PMPCB: variants seen among roughly 807,000 people sequenced by gnomAD.
PMPCB encodes the protein peptidase, mitochondrial processing subunit beta.
Under a neutral mutation model 61.5 loss-of-function variants are expected in PMPCB, and 46 were observed. The ratio of observed to expected loss-of-function variants is 0.75; its 90% CI spans 0.59 to 0.96. The LOEUF is 0.96. Ranked by LOEUF, PMPCB falls within the 40% of genes least tolerant of loss-of-function variation. The probability of loss-of-function intolerance (pLI) is 0.00; values close to 1 mark genes in which losing one functional copy is unlikely to be tolerated. For missense variants in PMPCB, 590 were observed against 602.4 expected (o/e 0.98, Z 0.22); for synonymous variants, 191 against 201.6 (o/e 0.95, Z 0.44).
At position 103,314,079 on chromosome 7, in the gene PMPCB, T is replaced by C. The variant is rs1586058999; in HGVS notation, c.*1808T>C. The C allele has an allele frequency of 8.1e-6, 8 of 985,310 alleles. No homozygotes were observed. The highest frequency in any genetic ancestry group is 9.6e-6 in the Non-Finnish European group (8 of 829,914). The allele number at this position is 985,310 out of a possible 1,614,324, so 61.0% of individuals were successfully genotyped here. On this transcript the variant is annotated 3_prime_UTR_variant, in exon 13 of 13. Transcript: ENST00000249269. ...ACCTATTCAAAACAAAGCAGAGAAT[T>C]TGTATAATATTTGATGGTACCTAAG... is the stretch of plus-strand genomic sequence containing the variant.
At chr7:103,320,189 A>G (rs1818305513) in intron 12 of PMPCB, among the ~76,000 whole-genome samples, 1 of 152,062 alleles carries the variant, frequency 6.6e-6, no homozygotes. Flanking sequence ...CCCGGGTTCA[A>G]GCTATTCTTC....
chr7:103,330,035 C>A (rs1224910665), downstream of PMPCB, among the ~76,000 whole-genome samples: 2 of 152,102 alleles, frequency 1.3e-5, no homozygotes, highest in Non-Finnish European at 2.9e-5. Flanking sequence ...AGTTTGCTAG[C>A]TGTGGGCCTG....
chr7:103,321,199 C>A (rs919024046), intron 12 of PMPCB, among the ~76,000 whole-genome samples: 1 of 151,470 alleles, frequency 6.6e-6, no homozygotes, highest in African/African-American at 2.4e-5. Flanking sequence ...GCCTCAACAA[C>A]AACAATAACA....
rs1447612077 is a variant in PMPCB at position 103,313,244 on chromosome 7, T to C, written c.*973T>C. On this transcript the variant is annotated 3_prime_UTR_variant, in exon 13 of 13. Coordinates refer to ENST00000249269, the MANE Select transcript of PMPCB (RefSeq NM_004279.3). The stretch of plus-strand genomic sequence containing the variant: ...TAAACTTGTAGAGATGAGAGATACA[T>C]ATAGCCCTCTGAGTGTTAATAAGAG... 4 of 1,408,240 alleles carry C rather than the reference T, an allele frequency of 2.8e-6. No homozygotes were observed. Among genetic ancestry groups the C allele is most frequent in the Non-Finnish European group, 3.7e-6 (4 of 1,084,790 alleles). 87.2% of individuals were successfully genotyped at this position (1,408,240 alleles called of 1,614,324 possible). A position where few individuals can be genotyped will look rare whatever the true frequency, so the allele number is the denominator to read the frequency against.
Position 103,312,871 on chromosome 7 carries a change from T to C in PMPCB, c.*600T>C, listed in dbSNP as rs985047935. 4.5e-6 allele frequency: 7 copies of C among 1,551,514 alleles called. No individual in the cohort carries two copies. Among genetic ancestry groups the C allele is most frequent in the South Asian group, 2.6e-5 (2 of 78,048 alleles). ...AAGCACTATATTATTAACCACTTAA[T>C]AGACATAAAATATGAGCTATATCAC... On this transcript the variant is annotated 3_prime_UTR_variant, in exon 13 of 13. Transcript: ENST00000249269.
At chr7:103,319,392 G>A (rs780314488), downstream of PMPCB, among the ~76,000 whole-genome samples, 3 of 151,264 alleles carry the variant, frequency 2.0e-5, no homozygotes, top group South Asian at 6.3e-4. Context: ...AGCCAAGATC[G>A]TGCCACTGCA....
rs550581544 is a variant in PMPCB, at chr7:103,299,635, T to C, written c.327+106T>C. ...GCTCTTTCAGTAGTATAACATGTTT[T>C]ATGTTTATTTTTCCAGGACAGTATC... On this transcript the variant is annotated intron_variant, in intron 3 of 12. Transcript: ENST00000249269. 111 of 616,856 alleles carry C rather than the reference T, an allele frequency of 1.8e-4. 2 individuals carry two copies. Among genetic ancestry groups the C allele is most frequent in the Middle Eastern group, 1.0e-3 (4 of 3,888 alleles). The allele number at this position is 616,856 out of a possible 1,614,324, so 38.2% of individuals were successfully genotyped here.
chr7:103,333,232 C>T (rs942087911), downstream of PMPCB, among the ~76,000 whole-genome samples: 2 of 152,162 alleles, frequency 1.3e-5, no homozygotes, highest in African/African-American at 4.8e-5. Flanking sequence ...CCTACATCTT[C>T]CTTTGTGCTA....
In PMPCB at chr7:103,311,654, G is replaced by C. The variant is rs1481500486; in HGVS notation, c.1166G>C (p.Cys389Ser). The change falls in exon 10 of 13, where the codon TGT becomes TCT. Residue 389 changes from cysteine (C) to serine (S), a missense_variant. Transcript: ENST00000249269. ...TCCACGTTTTTTAGGATGCGACTCTGTACAAGTGTCACAGAAAGTGAGGTT... is the reference window on the plus strand; with the variant it reads ...TCCACGTTTTTTAGGATGCGACTCTCTACAAGTGTCACAGAAAGTGAGGTT... ...HVVQKEWMRL[C>S]TSVTESEVAR... 2 of 1,613,532 alleles carry C rather than the reference G, an allele frequency of 1.2e-6. No homozygotes were observed.
At chr7:103,342,769 C>A in the PMPCB span, among the ~76,000 whole-genome samples, 1 of 151,564 alleles carries the variant, frequency 6.6e-6, no homozygotes, top group Admixed American at 6.6e-5. Context: ...CCACCACCCC[C>A]GGCTAATTTT....
chr7:103,322,480 TA>T (rs1232131358), intron 12 of PMPCB: 7 of 1,416,396 alleles, frequency 4.9e-6, no homozygotes, highest in Non-Finnish European at 6.7e-6. Flanking sequence ...CATAAACATT[TA>T]AAGTCCACCT....
intron 12 of PMPCB, among the ~76,000 whole-genome samples, chr7:103,328,448 T>C (rs1818821636): frequency 6.6e-6 from 1 of 151,876 alleles, no homozygotes; most frequent in East Asian, 2.0e-4. Flanking sequence ...CTGGCCAATA[T>C]GGCAAAACCT....
chr7:103,327,329 T>A, intron 12 of PMPCB: 1 of 1,283,288 alleles, frequency 7.8e-7, no homozygotes, highest in Non-Finnish European at 1.0e-6. Flanking sequence ...ATAGAACACT[T>A]ACATGAATTA....
Position 103,303,985 on chromosome 7 carries a change from G to T in PMPCB, c.601G>T (p.Ala201Ser). The T allele has an allele frequency of 6.2e-7, 1 of 1,614,000 alleles. No homozygotes were observed. Among genetic ancestry groups the T allele is most frequent in the Non-Finnish European group, 8.5e-7 (1 of 1,179,900 alleles). ...TGTTTTTGATTATCTTCATGCCACA[G>T]CTTATCAAAATACTGCACTTGGACG... ...EVVFDYLHATAYQNTALGRTI... is the reference protein window; with the variant it reads ...EVVFDYLHATSYQNTALGRTI... Residue 201 changes from alanine to serine, a missense_variant, in exon 5 of 13, where the codon GCT becomes TCT. Coordinates refer to ENST00000249269, the MANE Select transcript of PMPCB (RefSeq NM_004279.3).
rs77281146 is a variant in PMPCB, at chr7:103,328,967, G to C, written c.*1468G>C. Reference sequence around the variant, plus strand: ...AGAAGTGAACTTCATGAATGGAAATGGAACAAGTTATTTTCCAAAAGGCAA... The same window carrying C: ...AGAAGTGAACTTCATGAATGGAAATCGAACAAGTTATTTTCCAAAAGGCAA... On this transcript the variant is annotated 3_prime_UTR_variant and NMD_transcript_variant, in exon 13 of 13. Coordinates refer to the PMPCB transcript ENST00000444457. 1,188 of 1,268,044 alleles carry C rather than the reference G, an allele frequency of 9.4e-4. 8 individuals carry two copies. In the African/African-American group the frequency reaches 0.016, roughly 17 times the overall value. 78.5% of individuals were successfully genotyped at this position (1,268,044 alleles called of 1,614,324 possible). A position where few individuals can be genotyped will look rare whatever the true frequency, so the allele number is the denominator to read the frequency against.
chr7:103,317,855 T>G (rs933520568), downstream of PMPCB, among the ~76,000 whole-genome samples: 2 of 152,208 alleles, frequency 1.3e-5, no homozygotes, highest in Non-Finnish European at 2.9e-5. Context: ...TTCATCATGT[T>G]GGCCAGGCTA....
chr7:103,327,004 C>T (rs557963187), intron 12 of PMPCB, among the ~76,000 whole-genome samples: 8 of 152,020 alleles, frequency 5.3e-5, no homozygotes, highest in Non-Finnish European at 1.2e-4. Context: ...TGTAAAAGAT[C>T]GAAGGATCTT....
chr7:103,331,775 CCTTAT>C (rs142562065), downstream of PMPCB, among the ~76,000 whole-genome samples: 2,324 of 152,166 alleles, frequency 0.015, 49 homozygotes, highest in African/African-American at 0.054. Context: ...TAGGTTGATT[CCTTAT>C]CTTTGTTATT....
chr7:103,315,446 T>G (rs76567953), downstream of PMPCB, among the ~76,000 whole-genome samples: 2 of 152,290 alleles, frequency 1.3e-5, no homozygotes, highest in African/African-American at 4.8e-5. Context: ...TTACAGTACA[T>G]TTCTCAAAAT....
Sources: allele counts gnomAD v4.1 joint callset (sites outside exome capture counted in the v4.1 genomes callset), GRCh38; gene constraint gnomAD v4.1.1; transcripts MANE v1.5; gene names NCBI Gene and HGNC (gene_info 2026-07-23, HGNC 2026-07-21).